TMOD1: variants seen among roughly 807,000 people sequenced by gnomAD.
TMOD1 encodes tropomodulin 1.
TMOD1 carries 17 observed loss-of-function variants against 40.6 expected under a neutral mutation model. The observed-to-expected ratio is 0.42, with a 90% CI of 0.29 to 0.63. The LOEUF (loss-of-function observed/expected upper bound fraction) is 0.63, where lower values mean the gene tolerates loss of function less well. Ranked by LOEUF, TMOD1 falls within the 20% of genes least tolerant of loss-of-function variation. TMOD1 has a pLI of 0.22. For synonymous variants in TMOD1, 181 were observed against 175.0 expected (o/e 1.03, Z -0.27); for missense variants, 391 against 447.6 (o/e 0.87, Z 1.14).
At chr9:97,558,589 G>A (rs142248667) in intron 4 of TMOD1, among the ~76,000 whole-genome samples, 118 of 152,228 alleles carry the variant, frequency 7.8e-4, no homozygotes, top group African/African-American at 2.7e-3. Context: ...GATCACGGGC[G>A]TGTGCCACCA....
rs1587948720 is a variant in TMOD1, at chr9:97,568,686, A to G, written c.727-208A>G. Among the ~76,000 whole-genome samples the G allele has an allele frequency of 2.6e-5, 4 of 152,192 alleles. No individual in the cohort carries two copies. The East Asian group carries it at 7.7e-4, about 29-fold the overall frequency. ...CCCAGGTCATAGAAGCTTTGCATGT[A>G]GGCTAAGCAGCATAGAATTCTCCTG... On this transcript the variant is annotated intron_variant, in intron 7 of 9. Coordinates refer to ENST00000259365, the MANE Select transcript of TMOD1 (RefSeq NM_003275.4).
chr9:97,534,750 T>C (rs761724851), intron 2 of TMOD1, among the ~76,000 whole-genome samples: 72 of 152,326 alleles, frequency 4.7e-4, no homozygotes, highest in Middle Eastern at 6.8e-3. Context: ...GGGAGAGAGA[T>C]ACAGCATAGA....
chr9:97,542,579 A>G (rs67084970), intron 2 of TMOD1, among the ~76,000 whole-genome samples: 69,641 of 152,058 alleles, frequency 0.46, 16,293 homozygotes, highest in East Asian at 0.61. Flanking sequence ...GTGGCTGGGC[A>G]TGGAGGCTAA....
intron 8 of TMOD1, among the ~76,000 whole-genome samples, chr9:97,574,851 T>C (rs1304192166): frequency 6.6e-6 from 1 of 152,280 alleles, no homozygotes; most frequent in African/African-American, 2.4e-5. Flanking sequence ...ATCTAGCTAA[T>C]CTAGTGGGGA....
At chr9:97,561,604 G>A (rs981332247) in intron 4 of TMOD1, among the ~76,000 whole-genome samples, 3 of 152,284 alleles carry the variant, frequency 2.0e-5, no homozygotes, top group East Asian at 1.9e-4. Context: ...GTTGCCATGC[G>A]TCTGATTATT....
chr9:97,511,203 C>A (rs1482944492), intron 1 of TMOD1, among the ~76,000 whole-genome samples: 1 of 152,086 alleles, frequency 6.6e-6, no homozygotes, highest in Non-Finnish European at 1.5e-5. Context: ...ATAGCAACTG[C>A]AGAAAGTGAT....
chr9:97,510,150 C>T (rs557781082), intron 1 of TMOD1, among the ~76,000 whole-genome samples: 35 of 152,142 alleles, frequency 2.3e-4, no homozygotes, highest in African/African-American at 8.2e-4. Flanking sequence ...ACATTAACAC[C>T]TGCTATGAGG....
intron 4 of TMOD1, among the ~76,000 whole-genome samples, chr9:97,556,854 A>G (rs1473939398): frequency 6.6e-6 from 1 of 152,212 alleles, no homozygotes; most frequent in Admixed American, 6.5e-5. Flanking sequence ...GAGAAGGTCC[A>G]GGGCTTGGGA....
intron 4 of TMOD1, chr9:97,555,688 C>A (rs1830526834): frequency 6.4e-7 from 1 of 1,550,838 alleles, no homozygotes; most frequent in South Asian, 1.2e-5. Context: ...CACTTTTGAC[C>A]ACCTACCATG....
intron 6 of TMOD1, among the ~76,000 whole-genome samples, chr9:97,565,179 G>T (rs1158091196): frequency 6.6e-6 from 1 of 152,222 alleles, no homozygotes; most frequent in Admixed American, 6.5e-5. Flanking sequence ...TGAGGCCCCA[G>T]CCTCCTCTGG....
chr9:97,518,093 C>T (rs1829847111), intron 1 of TMOD1, among the ~76,000 whole-genome samples: 1 of 152,218 alleles, frequency 6.6e-6, no homozygotes, highest in African/African-American at 2.4e-5. Flanking sequence ...CAACACCTGC[C>T]CCATCTTCTC....
At chr9:97,536,132 C>A (rs1830179978) in intron 2 of TMOD1, among the ~76,000 whole-genome samples, 1 of 152,198 alleles carries the variant, frequency 6.6e-6, no homozygotes, top group Non-Finnish European at 1.5e-5. Flanking sequence ...CTGGAAGCTG[C>A]TGGACAGTAA....
At chr9:97,559,771 TTAAA>T (rs1422162478) in intron 4 of TMOD1, among the ~76,000 whole-genome samples, 692 of 63,178 alleles carry the variant, frequency 0.011, 31 homozygotes, top group African/African-American at 0.026. Context: ...CCTCAAAAAT[TTAAA>T]AAAAAAAAAA....
At chr9:97,567,401 T>A (rs555021438) in intron 7 of TMOD1, among the ~76,000 whole-genome samples, 2 of 152,304 alleles carry the variant, frequency 1.3e-5, no homozygotes, top group Admixed American at 1.3e-4. Context: ...GGCCAGTTGG[T>A]AAATCAGGCT....
intron 2 of TMOD1, among the ~76,000 whole-genome samples, chr9:97,545,441 A>G (rs146779121): frequency 2.7e-4 from 41 of 152,368 alleles, no homozygotes; most frequent in African/African-American, 9.6e-4. Context: ...AAGCCTGCTT[A>G]TGTTTGAAGA....
At chr9:97,536,295 A>G (rs1399116471) in intron 2 of TMOD1, among the ~76,000 whole-genome samples, 4 of 152,166 alleles carry the variant, frequency 2.6e-5, no homozygotes, top group African/African-American at 9.7e-5. Context: ...AAAGGCAACT[A>G]GGGGAGTTGC....
intron 2 of TMOD1, among the ~76,000 whole-genome samples, chr9:97,540,146 C>G (rs1830256250): frequency 6.6e-6 from 1 of 152,196 alleles, no homozygotes; most frequent in Non-Finnish European, 1.5e-5. Flanking sequence ...CTCTCCATCT[C>G]CCTTCAACCT....
intron 4 of TMOD1, among the ~76,000 whole-genome samples, chr9:97,556,146 C>G (rs543906869): frequency 6.6e-6 from 1 of 151,960 alleles, no homozygotes; most frequent in Non-Finnish European, 1.5e-5. Context: ...GGCAGGCCTT[C>G]GATGAGGCCG....
At chr9:97,568,742 G>A (rs1361256810) in intron 7 of TMOD1, 152 bp from the exon 8 acceptor site, 1 of 863,094 alleles carries the variant, frequency 1.2e-6, no homozygotes, top group South Asian at 1.8e-5. Flanking sequence ...CGGGTTGCAG[G>A]AGAGGAGAGA....
Sources: gnomAD v4.1 joint callset for allele counts (sites outside exome capture counted in the v4.1 genomes callset) on GRCh38, gnomAD v4.1.1 for gene constraint, MANE v1.5 for transcripts, NCBI Gene and HGNC (gene_info 2026-07-23, HGNC 2026-07-21) for gene names.